The following CNTNAP2 variants were observed in gnomAD, a reference collection of about 807,000 sequenced individuals.
CNTNAP2 encodes contactin-associated protein-like 2.
Under a neutral mutation model 155.2 loss-of-function variants are expected in CNTNAP2, and 98 were observed. That is an observed-to-expected ratio of 0.63 (90% confidence interval 0.54 to 0.75). The LOEUF is 0.75. CNTNAP2 is among the 30% of genes least tolerant of loss of function. CNTNAP2 has a pLI of 0.00. For missense variants in CNTNAP2, 1,727 were observed against 1,688.1 expected (o/e 1.02, Z -0.40); for synonymous variants, 651 against 631.2 (o/e 1.03, Z -0.47).
At chr7:147,839,588 T>C (rs538433646) in intron 13 of CNTNAP2, among the ~76,000 whole-genome samples, 1 of 152,258 alleles carries the variant, frequency 6.6e-6, no homozygotes, top group South Asian at 2.1e-4. Context: ...TAATTCTTTG[T>C]TGTCAGGGGC....
intron 15 of CNTNAP2, among the ~76,000 whole-genome samples, chr7:148,028,597 T>C (rs547213118): frequency 6.6e-6 from 1 of 152,202 alleles, no homozygotes; most frequent in Non-Finnish European, 1.5e-5. Flanking sequence ...ATATGTTGTA[T>C]ACTTCTCAGT....
chr7:148,206,349 A>G (rs1045755232), intron 18 of CNTNAP2, among the ~76,000 whole-genome samples: 1 of 150,742 alleles, frequency 6.6e-6, no homozygotes, highest in African/African-American at 2.4e-5. Flanking sequence ...ATCTAAATAT[A>G]ACATATTTAA....
intron 1 of CNTNAP2, among the ~76,000 whole-genome samples, chr7:146,721,402 C>CTA (rs1319843285): frequency 1.6e-5 from 2 of 127,168 alleles, no homozygotes; most frequent in Non-Finnish European, 3.1e-5. Context: ...TATATACATT[C>CTA]TATATATATT....
intron 8 of CNTNAP2, among the ~76,000 whole-genome samples, chr7:147,272,697 T>C (rs13222492): frequency 0.4 from 58,544 of 147,092 alleles, 12,121 homozygotes; most frequent in East Asian, 0.78. Flanking sequence ...GTAGTGGAGA[T>C]GGGGTTTCAC....
At position 148,302,755 on chromosome 7, in the gene CNTNAP2, G is replaced by A. The variant is rs528215763; in HGVS notation, c.3475+35629G>A. On this transcript the variant is annotated intron_variant, in intron 21 of 23. Transcript: ENST00000361727. ...AGTTTCATGAGACCTCCCCAGCCAT[G>A]TGGAACTGTGAATCAATTAAACCTC... is the stretch of plus-strand genomic sequence containing the variant. 4.6e-4 allele frequency among the ~76,000 whole-genome samples: 70 copies of A among 150,546 alleles called. 1 individual carries two copies. The highest frequency in any genetic ancestry group is 1.6e-3 in the Admixed American group (24 of 15,100).
chr7:147,735,186 G>A (rs1796819659), intron 13 of CNTNAP2, among the ~76,000 whole-genome samples: 1 of 152,106 alleles, frequency 6.6e-6, no homozygotes, highest in Non-Finnish European at 1.5e-5. Flanking sequence ...TCTACACACT[G>A]ATTTAAATGT....
intron 13 of CNTNAP2, among the ~76,000 whole-genome samples, chr7:147,722,571 G>T (rs1372385109): frequency 6.6e-6 from 1 of 152,002 alleles, no homozygotes; most frequent in Non-Finnish European, 1.5e-5. Flanking sequence ...TCCATTTTGT[G>T]TTTTGTCAGT....
chr7:147,695,610 C>T (rs1484518578), intron 13 of CNTNAP2, among the ~76,000 whole-genome samples: 1 of 152,014 alleles, frequency 6.6e-6, no homozygotes, highest in Non-Finnish European at 1.5e-5. Flanking sequence ...CCAGCCTGAC[C>T]AACATGGTGA....
At chr7:148,279,312 G>A (rs185126254) in intron 21 of CNTNAP2, among the ~76,000 whole-genome samples, 21 of 152,274 alleles carry the variant, frequency 1.4e-4, no homozygotes, top group African/African-American at 3.4e-4. Flanking sequence ...GTGCACCAAC[G>A]CAACAGCAGT....
At chr7:147,025,079 T>C (rs535423784) in intron 3 of CNTNAP2, among the ~76,000 whole-genome samples, 1 of 151,206 alleles carries the variant, frequency 6.6e-6, no homozygotes, top group South Asian at 2.1e-4. Flanking sequence ...AGGTCAGGAG[T>C]TCAGGGCCAG....
At chr7:147,586,760 C>A (rs1800634878) in intron 12 of CNTNAP2, among the ~76,000 whole-genome samples, 1 of 152,136 alleles carries the variant, frequency 6.6e-6, no homozygotes, top group South Asian at 2.1e-4. Flanking sequence ...GAAATCAGTT[C>A]CTGTTCCACT....
In CNTNAP2 at chr7:146,168,336, A is replaced by T. The variant is rs142846505; in HGVS notation, c.97+51363A>T. The stretch of plus-strand genomic sequence containing the variant: ...CTCATACATTCCCTATCCTATAGAT[A>T]ATGTAAGGACTCAATATTAACCATC... On this transcript the variant is annotated intron_variant, in intron 1 of 23. Transcript: ENST00000361727. Among the ~76,000 whole-genome samples, 426 of 152,320 alleles carry T rather than the reference A, an allele frequency of 2.8e-3. 2 individuals are homozygous for T. The highest frequency in any genetic ancestry group is 9.5e-3 in the African/African-American group (396 of 41,576).
chr7:146,723,842 T>C (rs192793681), intron 1 of CNTNAP2, among the ~76,000 whole-genome samples: 25 of 152,334 alleles, frequency 1.6e-4, no homozygotes, highest in Admixed American at 1.2e-3. Flanking sequence ...GAATTCTCTA[T>C]AGGCTATTGC....
intron 8 of CNTNAP2, among the ~76,000 whole-genome samples, chr7:147,277,866 A>AAT (rs1804934841): frequency 6.6e-6 from 1 of 151,754 alleles, no homozygotes; most frequent in South Asian, 2.1e-4. Context: ...TTTAAAAGAT[A>AAT]ATAGTAAATG....
rs538734830 is a variant in CNTNAP2, at chr7:146,348,283, G to T, written c.97+231310G>T. On this transcript the variant is annotated intron_variant, in intron 1 of 23. Transcript: ENST00000361727. ...AAAATATAAAAAAACAAATTAGCTGGGCATGGTGGCAGGCACCAGTAATCC... is the reference window on the plus strand; with the variant it reads ...AAAATATAAAAAAACAAATTAGCTGTGCATGGTGGCAGGCACCAGTAATCC... Among the ~76,000 whole-genome samples, 3 of 152,076 alleles carry T rather than the reference G, an allele frequency of 2.0e-5. No homozygotes were observed. In the South Asian group the frequency reaches 6.2e-4, roughly 32 times the overall value.
intron 4 of CNTNAP2, among the ~76,000 whole-genome samples, chr7:147,079,099 G>T (rs1800058896): frequency 6.6e-6 from 1 of 152,128 alleles, no homozygotes; most frequent in African/African-American, 2.4e-5. Flanking sequence ...GACATACTCT[G>T]TAATATAACA....
At chr7:146,218,540 C>A (rs200250873) in intron 1 of CNTNAP2, among the ~76,000 whole-genome samples, 2 of 151,088 alleles carry the variant, frequency 1.3e-5, no homozygotes, top group African/African-American at 2.4e-5. Flanking sequence ...AACAAACAAA[C>A]AAAAAAAATT....
intron 3 of CNTNAP2, among the ~76,000 whole-genome samples, chr7:146,895,028 G>A (rs897059184): frequency 6.6e-6 from 1 of 151,960 alleles, no homozygotes; most frequent in Non-Finnish European, 1.5e-5. Flanking sequence ...ATTATGCATG[G>A]GATCCCATCT....
intron 15 of CNTNAP2, among the ~76,000 whole-genome samples, chr7:148,096,141 A>G (rs1025811914): frequency 2.6e-5 from 4 of 152,210 alleles, no homozygotes; most frequent in African/African-American, 9.7e-5. Context: ...TCATGGTCAA[A>G]TGTAAACTTT....
Sources: allele counts gnomAD v4.1 joint callset (sites outside exome capture counted in the v4.1 genomes callset), GRCh38; gene constraint gnomAD v4.1.1; transcripts MANE v1.5; gene names NCBI Gene and HGNC (gene_info 2026-07-23, HGNC 2026-07-21).